PCDHGB5: variants seen among roughly 807,000 people sequenced by gnomAD.
PCDHGB5 encodes protocadherin gamma-B5.
Under a neutral mutation model 62.9 loss-of-function variants are expected in PCDHGB5, and 48 were observed. The ratio of observed to expected loss-of-function variants is 0.76; its 90% confidence interval spans 0.61 to 0.97. PCDHGB5 has a LOEUF of 0.97. PCDHGB5 is among the 50% of genes least tolerant of loss of function. The pLI, the probability that PCDHGB5 is intolerant of heterozygous loss-of-function variation, is 0.00. For synonymous variants in PCDHGB5, 474 were observed against 511.2 expected, an observed-to-expected ratio of 0.93 and a Z score of 0.98; for missense variants, 1,118 against 1,198.6, an observed-to-expected ratio of 0.93 and a Z score of 0.99.
At chr5:141,448,074 G>A (rs1008235342) in intron 1 of PCDHGB5, among the ~76,000 whole-genome samples, 3 of 151,152 alleles carry the variant, frequency 2.0e-5, no homozygotes, top group Admixed American at 1.3e-4. Context: ...CAACATGAAC[G>A]AAATGCCATC....
At chr5:141,421,548 G>C in intron 1 of PCDHGB5, 1 of 1,613,984 alleles carries the variant, frequency 6.2e-7, no homozygotes, top group Non-Finnish European at 8.5e-7. Flanking sequence ...TTTTAAATAT[G>C]GAACTTCTCG....
chr5:141,403,667 G>T (rs1386561971), intron 1 of PCDHGB5: 8 of 1,613,910 alleles, frequency 5.0e-6, no homozygotes, highest in Non-Finnish European at 6.8e-6. Flanking sequence ...AAATGATAAT[G>T]CCCCGGTTTT....
chr5:141,499,012 G>GGAAGGAAT, intron 2 of PCDHGB5, among the ~76,000 whole-genome samples: 1 of 147,618 alleles, frequency 6.8e-6, no homozygotes. Context: ...AAGGAAGGAA[G>GGAAGGAAT]GAAGGAAGGA....
chr5:141,439,364 G>A (rs1561894836), intron 1 of PCDHGB5, among the ~76,000 whole-genome samples: 2 of 152,142 alleles, frequency 1.3e-5, no homozygotes, highest in Admixed American at 1.3e-4. Context: ...CAAACATCAA[G>A]AAGAAATAAA....
At chr5:141,413,451 CA>C (rs1561742676) in intron 1 of PCDHGB5, 1 of 1,614,118 alleles carries the variant, frequency 6.2e-7, no homozygotes, top group East Asian at 2.2e-5. Context: ...TCACCGCGGG[CA>C]GGATAGACCG....
rs747509171 is a variant in PCDHGB5, at chr5:141,477,069, A to G, written c.2398-17738A>G. The stretch of plus-strand genomic sequence containing the variant: ...CTGGACTTCGAGGACACCAAACTCC[A>G]TGAGATTTACATCCAGGCCAAAGAC... On this transcript the variant is annotated intron_variant, in intron 1 of 3. Coordinates refer to ENST00000617380, the MANE Select transcript of PCDHGB5 (RefSeq NM_018925.3). The surrounding 1 kb of genome is among the most constrained non-coding windows in gnomAD (Gnocchi z 4.9). 7 of 1,614,246 alleles carry G rather than the reference A, an allele frequency of 4.3e-6. No homozygotes were observed. The highest frequency in any genetic ancestry group is 5.9e-6 in the Non-Finnish European group (7 of 1,180,026).
chr5:141,494,921 A>C (rs1345734925), intron 2 of PCDHGB5, 56 bp downstream of exon 2: 6 of 1,613,556 alleles, frequency 3.7e-6, no homozygotes, highest in Non-Finnish European at 5.1e-6. Flanking sequence ...CTCAGGGATG[A>C]CGTGGGAGGA....
intron 1 of PCDHGB5, chr5:141,423,413 C>T (rs757696505): frequency 2.5e-6 from 4 of 1,614,022 alleles, no homozygotes; most frequent in South Asian, 2.2e-5. Flanking sequence ...CTGCAGGCTT[C>T]TGAAGGCGGG....
chr5:141,492,464 C>G (rs1595116794), intron 1 of PCDHGB5, among the ~76,000 whole-genome samples: 1 of 152,354 alleles, frequency 6.6e-6, no homozygotes, highest in Non-Finnish European at 1.5e-5. Context: ...GCCTGAGGGT[C>G]CCAGATCGCG....
Position 141,432,563 on chromosome 5 carries a change from G to T in PCDHGB5, c.2397+32039G>T. 2 of 1,613,912 alleles carry T rather than the reference G, an allele frequency of 1.2e-6. No homozygotes were observed. Among genetic ancestry groups the T allele is most frequent in the Non-Finnish European group, 1.7e-6 (2 of 1,179,996 alleles). The stretch of plus-strand genomic sequence containing the variant: ...GGTGGACAGAGACTCCGGCCAGAAC[G>T]CCTGGCTGTCCTACCGTCTGCTCAA... On this transcript the variant is annotated intron_variant, in intron 1 of 3. Transcript: ENST00000617380. The surrounding 1 kb of genome is among the most constrained non-coding windows in gnomAD (Gnocchi z 6.0).
Position 141,464,048 on chromosome 5 carries a change from T to G in PCDHGB5, c.2398-30759T>G, listed in dbSNP as rs377735829. Reference sequence around the variant, plus strand: ...GGGAGGCCAAGGCGGGTGGATCACCTGAGGTCAGGAGTTCAAGGCCAGCCT... The same window carrying G: ...GGGAGGCCAAGGCGGGTGGATCACCGGAGGTCAGGAGTTCAAGGCCAGCCT... On this transcript the variant is annotated intron_variant, in intron 1 of 3. Transcript: ENST00000617380. 1.2e-4 allele frequency among the ~76,000 whole-genome samples: 18 copies of G among 152,260 alleles called. No individual in the cohort carries two copies. In the East Asian group the frequency reaches 3.5e-3, roughly 29 times the overall value.
chr5:141,419,370 A>T, intron 1 of PCDHGB5: 1 of 1,613,692 alleles, frequency 6.2e-7, no homozygotes, highest in Non-Finnish European at 8.5e-7. Context: ...CTGTCGTCCT[A>T]CGTGTCCGTG....
intron 1 of PCDHGB5, chr5:141,423,804 T>A: frequency 8.1e-7 from 1 of 1,240,508 alleles, no homozygotes; most frequent in Non-Finnish European, 1.0e-6. Context: ...GAGCAATACA[T>A]GTGAGTTTTA....
In PCDHGB5 at chr5:141,485,974, A is replaced by G. The variant is rs755735500; in HGVS notation, c.2398-8833A>G. 1.9e-6 allele frequency: 3 copies of G among 1,614,108 alleles called. No homozygotes were observed. The highest frequency in any genetic ancestry group is 1.7e-5 in the Admixed American group (1 of 60,014). On this transcript the variant is annotated intron_variant, in intron 1 of 3. Coordinates refer to ENST00000617380, the MANE Select transcript of PCDHGB5 (RefSeq NM_018925.3). This position sits in a 1 kb window ranked among gnomAD's most constrained non-coding sequence, Gnocchi z 5.7. ...TGGTGCTCATCCAGCTCAATGCCTC[A>G]GACCCGGACCTGGGTCCCAGTGGTA...
chr5:141,407,954 G>A, intron 1 of PCDHGB5: 1 of 640,866 alleles, frequency 1.6e-6, no homozygotes, highest in East Asian at 3.0e-5. Flanking sequence ...GTCGGCCAGT[G>A]CAGAGCAAGC....
In PCDHGB5 at chr5:141,399,479, C is replaced by G. The variant is rs774561101; in HGVS notation, c.1352C>G (p.Ala451Gly). Residue 451 changes from alanine to glycine, a missense_variant, in exon 1 of 4, where the codon GCG becomes GGG. Coordinates refer to ENST00000617380, the MANE Select transcript of PCDHGB5 (RefSeq NM_018925.3). The stretch of plus-strand genomic sequence containing the variant: ...GATAACGCTCCGGTTTTCCACCAGG[C>G]GTCCTACTTAGTCAGTGTACCCGAA... ...VNDNAPVFHQ[A>G]SYLVSVPENN... 2 of 1,614,032 alleles carry G rather than the reference C, an allele frequency of 1.2e-6. No individual in the cohort carries two copies. Among genetic ancestry groups the G allele is most frequent in the East Asian group, 4.5e-5 (2 of 44,870 alleles).
intron 1 of PCDHGB5, among the ~76,000 whole-genome samples, chr5:141,449,007 T>A (rs937327801): frequency 3.3e-5 from 5 of 152,116 alleles, no homozygotes; most frequent in African/African-American, 1.2e-4. Context: ...CTGTTTTTTT[T>A]AACAGTTGCT....
intron 1 of PCDHGB5, chr5:141,405,207 C>A (rs767001796): frequency 6.2e-7 from 1 of 1,613,292 alleles, no homozygotes; most frequent in Non-Finnish European, 8.5e-7. Flanking sequence ...TTCCTACAGA[C>A]CTATTCTCAG....
Position 141,493,022 on chromosome 5 carries a change from G to C in PCDHGB5, c.2398-1785G>C, listed in dbSNP as rs1184742888. On this transcript the variant is annotated intron_variant, in intron 1 of 3. Transcript: ENST00000617380. This position sits in a 1 kb window ranked among gnomAD's most constrained non-coding sequence, Gnocchi z 4.3. Reference sequence around the variant, plus strand: ...GCTATAGGCTCTGCCAGATGCCAGGGTGCCCTTATGTGTGAGGAAACTACA... The same window carrying C: ...GCTATAGGCTCTGCCAGATGCCAGGCTGCCCTTATGTGTGAGGAAACTACA... Among the ~76,000 whole-genome samples the C allele has an allele frequency of 6.6e-6, 1 of 152,222 alleles. No individual in the cohort carries two copies. Among genetic ancestry groups the C allele is most frequent in the Non-Finnish European group, 1.5e-5 (1 of 68,040 alleles).
Sources: gnomAD v4.1 joint callset for allele counts (sites outside exome capture counted in the v4.1 genomes callset) on GRCh38, gnomAD v4.1.1 for gene constraint, Gnocchi (gnomAD v3.1) non-coding constraint, MANE v1.5 for transcripts, NCBI Gene and HGNC (gene_info 2026-07-23, HGNC 2026-07-21) for gene names.